Variants in RPLP0 observed in about 807,000 individuals in gnomAD.
RPLP0 encodes large ribosomal subunit protein uL10.
For missense variants in RPLP0, 276 were observed against 402.9 expected (o/e 0.69, Z 2.70); for synonymous variants, 137 against 153.4 (o/e 0.89, Z 0.79).
chr12:120,197,064 C>T, intron 7 of RPLP0, 130 bp from the exon 8 acceptor site: 1 of 1,493,600 alleles, frequency 6.7e-7, no homozygotes, highest in Non-Finnish European at 9.2e-7. Context: ...TCAGAAGCAG[C>T]CCAAGCAGGA....
At chr12:120,197,791 G>C (rs1303389017) in intron 6 of RPLP0, 1 of 269,226 alleles carries the variant, frequency 3.7e-6, no homozygotes, top group African/African-American at 2.1e-5. Flanking sequence ...TTCCAGATGT[G>C]AACTTCATTC....
rs1594297461 is a variant in RPLP0 at position 120,197,217 on chromosome 12, T to C, written c.792+105A>G. On this transcript the variant is annotated intron_variant, in intron 7 of 7. Coordinates refer to ENST00000392514, the MANE Select transcript of RPLP0 (RefSeq NM_001002.4). ...TCTCAAATATCCCCTCACAAAATTA[T>C]CTGCTATATAAAATACAACTATAAA... 6.2e-6 allele frequency: 7 copies of C among 1,126,926 alleles called. No homozygotes were observed. In the East Asian group the frequency reaches 1.4e-4, roughly 23 times the overall value. The allele number at this position is 1,126,926 out of a possible 1,614,324, so 69.8% of individuals were successfully genotyped here.
chr12:120,199,353 T>C lies in RPLP0; in HGVS notation c.187A>G (p.Lys63Glu). ...TTTTCCAGGTGCCCTCGGATGGCCT[T>C]GCGCATCATGGTGTTCTTGCCCATC... is the stretch of plus-strand genomic sequence containing the variant. Reference protein sequence around the residue: ...VLMGKNTMMRKAIRGHLENNP... With the variant: ...VLMGKNTMMREAIRGHLENNP... Residue 63 changes from lysine to glutamate, a missense_variant, in exon 3 of 8, where the codon AAG (lysine) becomes GAG (glutamate). Physicochemically the swap from Lys to Glu is moderately conservative, Grantham distance 56. Coordinates refer to ENST00000392514, the MANE Select transcript of RPLP0 (RefSeq NM_001002.4). 1 of 1,614,204 alleles carries C rather than the reference T, an allele frequency of 6.2e-7. No homozygotes were observed. The highest frequency in any genetic ancestry group is 8.5e-7 in the Non-Finnish European group (1 of 1,180,044).
At chr12:120,200,570 A>G in intron 2 of RPLP0, 160 bp downstream of exon 2, 1 of 722,852 alleles carries the variant, frequency 1.4e-6, no homozygotes. Flanking sequence ...TATCTGCAAC[A>G]GAAGGGACCT....
chr12:120,197,269 C>A, intron 7 of RPLP0, 53 bp downstream of exon 7: 1 of 1,528,854 alleles, frequency 6.5e-7, no homozygotes, highest in Non-Finnish European at 9.1e-7. Flanking sequence ...GCCACATCAC[C>A]CTGCTAATTT....
In RPLP0 at chr12:120,198,534, G is replaced by A. The variant is rs1296874301; in HGVS notation, c.651+20C>T. On this transcript the variant is annotated intron_variant, in intron 6 of 7. Transcript: ENST00000392514. The surrounding 1 kb of genome is among the most constrained non-coding windows in gnomAD (Gnocchi z 4.1). ...CTCTCAACCATCAGTGTAAGAGGGG[G>A]CAAGGCTGACAGCATATACCTCCAG... 1.2e-6 allele frequency: 2 copies of A among 1,613,810 alleles called. No individual in the cohort carries two copies. Among genetic ancestry groups the A allele is most frequent in the Non-Finnish European group, 8.5e-7 (1 of 1,179,836 alleles).
intron 1 of RPLP0, 115 bp from the exon 2 acceptor site, chr12:120,200,946 C>G (rs1184442402): frequency 7.6e-7 from 1 of 1,314,536 alleles, no homozygotes; most frequent in Non-Finnish European, 1.0e-6. Flanking sequence ...GGGCAGCGGC[C>G]GTCATCTCGG....
rs369515748 is a variant in RPLP0 at position 120,198,790 on chromosome 12, T to C, written c.466-51A>G. On this transcript the variant is annotated intron_variant, in intron 5 of 7. Transcript: ENST00000392514. This position sits in a 1 kb window ranked among gnomAD's most constrained non-coding sequence, Gnocchi z 4.1. ...AAACACCTGTTGGACAACCAGCAGATCCATGGCCACTAAAAGCAGCTCCCC... is the reference window on the plus strand; with the variant it reads ...AAACACCTGTTGGACAACCAGCAGACCCATGGCCACTAAAAGCAGCTCCCC... 2.4e-4 allele frequency: 390 copies of C among 1,610,642 alleles called. No individual in the cohort carries two copies. The highest frequency in any genetic ancestry group is 3.1e-4 in the Non-Finnish European group (368 of 1,176,966).
Position 120,198,335 on chromosome 12 carries a change from G to A in RPLP0, c.651+219C>T, listed in dbSNP as rs1209888932. 1.9e-6 allele frequency: 1 copy of A among 531,750 alleles called. No individual in the cohort carries two copies. The highest frequency in any genetic ancestry group is 3.2e-5 in the Admixed American group (1 of 31,152). The allele number at this position is 531,750 out of a possible 1,614,324, so 32.9% of individuals were successfully genotyped here. ...GGAGGCGGAGCTTGCAGTGAGCCGG[G>A]AGATTGTGCCACTGCACTCCAGCCT... On this transcript the variant is annotated intron_variant, in intron 6 of 7. Coordinates refer to ENST00000392514, the MANE Select transcript of RPLP0 (RefSeq NM_001002.4). The surrounding 1 kb of genome is among the most constrained non-coding windows in gnomAD (Gnocchi z 4.1).
chr12:120,197,158 C>T (rs926999324), intron 7 of RPLP0, 164 bp downstream of exon 7: 17 of 1,024,420 alleles, frequency 1.7e-5, no homozygotes, highest in Non-Finnish European at 2.3e-5. Flanking sequence ...CTTGTCATTT[C>T]TCAAGTGAGA....
At chr12:120,199,969 A>C in intron 2 of RPLP0, 1 of 451,278 alleles carries the variant, frequency 2.2e-6, no homozygotes, top group South Asian at 1.6e-5. Context: ...GGAAAATGTA[A>C]TACAAGCTAT....
At chr12:120,199,816 G>A in intron 2 of RPLP0, 1 of 358,798 alleles carries the variant, frequency 2.8e-6, no homozygotes. Context: ...AGTTGGTCAA[G>A]AGGAGGGCTA....
rs1256529381 is a variant in RPLP0 at position 120,198,632 on chromosome 12, C to T, written c.573G>A (p.Gln191=). 6.2e-7 allele frequency: 1 copy of T among 1,613,954 alleles called. No individual in the cohort carries two copies. Among genetic ancestry groups the T allele is most frequent in the Non-Finnish European group, 8.5e-7 (1 of 1,180,050 alleles). The stretch of plus-strand genomic sequence containing the variant: ...TGTAGATGCTGCCATTGTCGAACAC[C>T]TGCTGGATGACCAGCCCAAAGGAGA... ...SPFSFGLVIQ[Q]VFDNGSIYNP... is the part of the protein sequence containing the mutation. Residue 191 remains glutamine (Q), a synonymous_variant, in exon 6 of 8, where the codon CAG becomes CAA. Coordinates refer to ENST00000392514, the MANE Select transcript of RPLP0 (RefSeq NM_001002.4). The surrounding 1 kb of genome is among the most constrained non-coding windows in gnomAD (Gnocchi z 4.1).
intron 2 of RPLP0, 195 bp from the exon 3 acceptor site, chr12:120,199,680 T>G: frequency 1.7e-6 from 1 of 585,280 alleles, no homozygotes; most frequent in African/African-American, 1.9e-5. Flanking sequence ...ACGCTGAAAA[T>G]TAGGTTTCTA....
At position 120,198,362 on chromosome 12, in the gene RPLP0, G is replaced by GCACA. The variant is rs1879264271; in HGVS notation, c.651+191_651+192insTGTG. ...GATTGTGCCACTGCACTCCAGCCTGGGCGACACAGCAAGACTCTGTCTCCA... is the reference window on the plus strand; with the variant it reads ...GATTGTGCCACTGCACTCCAGCCTGGCACAGCGACACAGCAAGACTCTGTCTCCA... On this transcript the variant is annotated intron_variant, in intron 6 of 7. Transcript: ENST00000392514. This position sits in a 1 kb window ranked among gnomAD's most constrained non-coding sequence, Gnocchi z 4.1. 2 of 608,654 alleles carry GCACA rather than the reference G, an allele frequency of 3.3e-6. No homozygotes were observed. Among genetic ancestry groups the GCACA allele is most frequent in the Non-Finnish European group, 5.6e-6 (2 of 356,274 alleles). The allele number at this position is 608,654 out of a possible 1,614,324, so 37.7% of individuals were successfully genotyped here.
intron 1 of RPLP0, 85 bp downstream of exon 1, chr12:120,200,998 G>T: frequency 1.4e-6 from 1 of 719,214 alleles, no homozygotes; most frequent in South Asian, 2.4e-5. Context: ...GAACAGAATA[G>T]GACTCCATGT....
intron 6 of RPLP0, 162 bp from the exon 7 acceptor site, chr12:120,197,624 A>G: frequency 1.3e-6 from 1 of 750,640 alleles, no homozygotes; most frequent in South Asian, 1.8e-5. Context: ...TGGCAGAGCA[A>G]TTCAGCCCCA....
At position 120,201,064 on chromosome 12, in the gene RPLP0, A is replaced by C. The variant is rs1044596668; in HGVS notation, c.-49+19T>G. The C allele has an allele frequency of 2.3e-6, 1 of 432,300 alleles. No individual in the cohort carries two copies. The highest frequency in any genetic ancestry group is 4.1e-6 in the Non-Finnish European group (1 of 243,278). The allele number at this position is 432,300 out of a possible 1,614,324, so 26.8% of individuals were successfully genotyped here. On this transcript the variant is annotated intron_variant, in intron 1 of 7. Coordinates refer to ENST00000392514, the MANE Select transcript of RPLP0 (RefSeq NM_001002.4). ...TTCCCGCCGGCGACCCCTGGCGCCC[A>C]TCTAACTAGCACACGAACCTTCCAC...
At chr12:120,197,080 T>C (rs1292358625) in intron 7 of RPLP0, 146 bp from the exon 8 acceptor site, 8 of 1,381,854 alleles carry the variant, frequency 5.8e-6, no homozygotes, top group Non-Finnish European at 7.0e-6. Context: ...CAGGACAGCT[T>C]GGGTATGGCC....
Sources: gnomAD v4.1 joint callset for allele counts on GRCh38, gnomAD v4.1.1 for gene constraint, Gnocchi (gnomAD v3.1) non-coding constraint, MANE v1.5 for transcripts, NCBI Gene and HGNC (gene_info 2026-07-23, HGNC 2026-07-21) for gene names.